Variants in ABCC6 observed in about 807,000 individuals in gnomAD.
The protein encoded by ABCC6 is ATP-binding cassette sub-family C member 6.
ABCC6 carries 126 observed loss-of-function variants against 169.5 expected under a neutral mutation model. That is an observed-to-expected ratio of 0.74 (90% CI 0.64 to 0.86). The LOEUF is 0.86. Among genes scored for constraint, ABCC6 ranks in the 40% least tolerant of loss-of-function variants. The pLI is 0.00. For missense variants in ABCC6, 1,733 were observed against 1,927.2 expected (o/e 0.90, Z 1.89); for synonymous variants, 752 against 814.7 (o/e 0.92, Z 1.31).
chr16:16,205,009 T>C (rs540135981), intron 7 of ABCC6, among the ~76,000 whole-genome samples: 1 of 152,036 alleles, frequency 6.6e-6, no homozygotes, highest in Admixed American at 6.6e-5. Flanking sequence ...CTAATTTTTG[T>C]ATTTTTGGTA....
chr16:16,206,553 C>G (rs1165385745), intron 7 of ABCC6, among the ~76,000 whole-genome samples: 1 of 151,826 alleles, frequency 6.6e-6, no homozygotes, highest in Non-Finnish European at 1.5e-5. Flanking sequence ...TCTCCCTTCC[C>G]CCAGTGGTTG....
intron 22 of ABCC6, among the ~76,000 whole-genome samples, chr16:16,166,185 G>T (rs996664660): frequency 6.6e-6 from 1 of 152,150 alleles, no homozygotes; most frequent in Non-Finnish European, 1.5e-5. Context: ...GAGTAGCTGG[G>T]ACCACAGGTG....
intron 29 of ABCC6, among the ~76,000 whole-genome samples, chr16:16,153,660 C>T (rs982992730): frequency 2.0e-5 from 3 of 152,072 alleles, no homozygotes; most frequent in Admixed American, 1.3e-4. Context: ...CGTGGCTGCT[C>T]ACACCTGTAA....
chr16:16,179,782 G>A (rs2047409131), intron 17 of ABCC6, among the ~76,000 whole-genome samples: 1 of 152,142 alleles, frequency 6.6e-6, no homozygotes, highest in African/African-American at 2.4e-5. Flanking sequence ...GTAGAGATGG[G>A]GTTTCACCAT....
chr16:16,222,751 G>A (rs922801585), intron 1 of ABCC6, among the ~76,000 whole-genome samples: 11 of 151,450 alleles, frequency 7.3e-5, no homozygotes, highest in African/African-American at 1.7e-4. Flanking sequence ...TTTAGTGGAC[G>A]TGGCCTCTTC....
At chr16:16,168,804 G>A (rs2046963677) in intron 22 of ABCC6, among the ~76,000 whole-genome samples, 1 of 152,104 alleles carries the variant, frequency 6.6e-6, no homozygotes, top group East Asian at 1.9e-4. Flanking sequence ...CATAGGGCCG[G>A]GTGCGGGGGC....
At chr16:16,196,802 A>T (rs1398931127) in intron 10 of ABCC6, among the ~76,000 whole-genome samples, 1 of 152,158 alleles carries the variant, frequency 6.6e-6, no homozygotes, top group East Asian at 1.9e-4. Flanking sequence ...CCAAGGCTCA[A>T]GCGATTCTCC....
Position 16,203,451 on chromosome 16 carries a change from G to A in ABCC6, c.957C>T (p.Ile319=). Residue 319 remains isoleucine, a synonymous_variant, in exon 8 of 31, where the codon ATC becomes ATT. Coordinates refer to ENST00000205557, the MANE Select transcript of ABCC6 (RefSeq NM_001171.6). ...STFLLGTLSL[I]ISDVFRFTVP... ...CAGTGAACCTGAAGACATCACTGATGATGAGGCTGAGGGTCCCCAGGAGGA... is the reference window on the plus strand; with the variant it reads ...CAGTGAACCTGAAGACATCACTGATAATGAGGCTGAGGGTCCCCAGGAGGA... The A allele has an allele frequency of 6.2e-7, 1 of 1,613,956 alleles. No individual in the cohort carries two copies. Among genetic ancestry groups the A allele is most frequent in the Non-Finnish European group, 8.5e-7 (1 of 1,179,870 alleles).
intron 21 of ABCC6, chr16:16,173,039 C>G (rs188210210): frequency 5.5e-5 from 32 of 582,188 alleles, no homozygotes; most frequent in Middle Eastern, 4.8e-4. Flanking sequence ...GAGCCACTTT[C>G]TCAAAATCAA....
chr16:16,177,311 G>T, intron 19 of ABCC6, 141 bp downstream of exon 19: 1 of 927,496 alleles, frequency 1.1e-6, no homozygotes, highest in Non-Finnish European at 1.8e-6. Flanking sequence ...GACCTATTAA[G>T]AGAGCTGTCT....
At position 16,151,620 on chromosome 16, in the gene ABCC6, GT is replaced by G. The variant is rs770827758; in HGVS notation, c.4209-849del. ...AGGCGTGATCCACCGTGCCTGGCCT[GT>G]TTATGGCTATGTCCAGTTCTATTTC... is the stretch of plus-strand genomic sequence containing the variant. On this transcript the variant is annotated intron_variant, in intron 29 of 30. Coordinates refer to ENST00000205557, the MANE Select transcript of ABCC6 (RefSeq NM_001171.6). 4.1e-4 allele frequency among the ~76,000 whole-genome samples: 63 copies of G among 152,308 alleles called. 2 individuals carry two copies. The South Asian group carries it at 6.8e-3, about 17-fold the overall frequency.
intron 14 of ABCC6, among the ~76,000 whole-genome samples, chr16:16,185,556 GTA>G (rs2047628607): frequency 6.6e-6 from 1 of 152,174 alleles, no homozygotes; most frequent in African/African-American, 2.4e-5. Flanking sequence ...AGCAGAGGTG[GTA>G]GGATCACTTG....
intron 9 of ABCC6, among the ~76,000 whole-genome samples, chr16:16,201,355 G>C (rs1305516389): frequency 6.6e-6 from 1 of 152,196 alleles, no homozygotes; most frequent in African/African-American, 2.4e-5. Flanking sequence ...TCCTCAAGGG[G>C]GAATGAGTGG....
chr16:16,161,523 A>T lies in ABCC6; in HGVS notation c.3548T>A (p.Val1183Glu). The T allele has an allele frequency of 6.2e-7, 1 of 1,613,960 alleles. No individual in the cohort carries two copies. The highest frequency in any genetic ancestry group is 1.1e-5 in the South Asian group (1 of 91,086). Residue 1183 changes from valine (V) to glutamate (E), a missense_variant, in exon 25 of 31, where the codon GTG becomes GAG. Val to Glu is a moderately radical substitution (Grantham distance 121). This residue lies in a region of ABCC6 where 1,601 missense variants were observed against 1,635.5 expected (regional missense o/e 0.98). Coordinates refer to ENST00000205557, the MANE Select transcript of ABCC6 (RefSeq NM_001171.6). Reference sequence around the variant, plus strand: ...CACAGCACACGTGGCAGCTGCAAACACCAGGCCATTCCCCAGGAGCTCCAC... The same window carrying T: ...CACAGCACACGTGGCAGCTGCAAACTCCAGGCCATTCCCCAGGAGCTCCAC... ...ANVELLGNGL[V>E]FAAATCAVLS... is the part of the protein sequence containing the mutation.
chr16:16,157,252 A>G (rs1410047112), intron 27 of ABCC6, among the ~76,000 whole-genome samples: 1 of 152,188 alleles, frequency 6.6e-6, no homozygotes, highest in East Asian at 1.9e-4. Flanking sequence ...CTCAGAGATC[A>G]GTATTACCAG....
At chr16:16,163,412 C>A (rs531033042) in intron 23 of ABCC6, among the ~76,000 whole-genome samples, 1 of 152,144 alleles carries the variant, frequency 6.6e-6, no homozygotes, top group Non-Finnish European at 1.5e-5. Context: ...GCTTCAAAAA[C>A]CTCTAATGCC....
In ABCC6 at chr16:16,215,915, A is replaced by G. The variant is rs968619690; in HGVS notation, c.475-1466T>C. ...AATGATCCATTCTACTCTTGTAGTT[A>G]TTTTATTTTTTAGTTTATTATTGAG... is the stretch of plus-strand genomic sequence containing the variant. On this transcript the variant is annotated intron_variant, in intron 4 of 30. Coordinates refer to ENST00000205557, the MANE Select transcript of ABCC6 (RefSeq NM_001171.6). Among the ~76,000 whole-genome samples the G allele has an allele frequency of 3.9e-5, 6 of 151,932 alleles. No individual in the cohort carries two copies. The South Asian group carries it at 6.2e-4, about 16-fold the overall frequency.
At chr16:16,183,725 G>A (rs1180741146) in intron 15 of ABCC6, among the ~76,000 whole-genome samples, 1 of 152,086 alleles carries the variant, frequency 6.6e-6, no homozygotes, top group African/African-American at 2.4e-5. Flanking sequence ...CAACCAGTAG[G>A]GGGTGCTGCT....
At chr16:16,177,346 A>G in intron 19 of ABCC6, 106 bp downstream of exon 19, 1 of 1,304,320 alleles carries the variant, frequency 7.7e-7, no homozygotes, top group Non-Finnish European at 1.1e-6. Flanking sequence ...GCCTGCAGAC[A>G]GGGTGTGGCC....
Sources: gnomAD v4.1 joint callset for allele counts (sites outside exome capture counted in the v4.1 genomes callset) on GRCh38, gnomAD v4.1.1 for gene constraint, gnomAD v4.1.1 regional missense constraint, MANE v1.5 for transcripts, NCBI Gene and HGNC (gene_info 2026-07-23, HGNC 2026-07-21) for gene names.